The following MTHFD1L variants were observed in gnomAD, a reference collection of about 807,000 sequenced individuals.
MTHFD1L encodes methylenetetrahydrofolate dehydrogenase (NADP+ dependent) 1 like.
A neutral mutation model predicts 119.5 loss-of-function variants in MTHFD1L; 81 were observed. The ratio of observed to expected loss-of-function variants is 0.68; its 90% CI spans 0.57 to 0.82. The LOEUF (loss-of-function observed/expected upper bound fraction) is 0.82. MTHFD1L is among the 40% of genes least tolerant of loss of function. MTHFD1L has a pLI of 0.00. For missense variants in MTHFD1L, 1,125 were observed against 1,253.4 expected, an observed-to-expected ratio of 0.90 and a Z score of 1.55; for synonymous variants, 430 against 475.2, an observed-to-expected ratio of 0.90 and a Z score of 1.24.
intron 26 of MTHFD1L, among the ~76,000 whole-genome samples, chr6:151,085,007 ATATATT>A (rs1283167109): frequency 7.2e-4 from 93 of 128,572 alleles, no homozygotes; most frequent in African/African-American, 2.5e-3. Context: ...ATATATATGT[ATATATT>A]TATATATGTA....
At chr6:150,894,243 G>A (rs567625782) in intron 7 of MTHFD1L, among the ~76,000 whole-genome samples, 3 of 152,128 alleles carry the variant, frequency 2.0e-5, no homozygotes, top group Admixed American at 6.6e-5. Flanking sequence ...AAATATATGG[G>A]TCAATTAGGC....
intron 20 of MTHFD1L, among the ~76,000 whole-genome samples, chr6:150,979,636 G>C (rs548135931): frequency 1.9e-4 from 29 of 152,206 alleles, no homozygotes; most frequent in Non-Finnish European, 2.1e-4. Flanking sequence ...AAGTAGCTGG[G>C]ATTACAGGCA....
intron 24 of MTHFD1L, among the ~76,000 whole-genome samples, chr6:151,018,948 G>T (rs1783542700): frequency 6.6e-6 from 1 of 152,188 alleles, no homozygotes; most frequent in Non-Finnish European, 1.5e-5. Context: ...AGAAGATTTT[G>T]GATGAGTGAA....
intron 18 of MTHFD1L, among the ~76,000 whole-genome samples, chr6:150,961,661 C>T (rs1238519631): frequency 6.6e-6 from 1 of 152,124 alleles, no homozygotes; most frequent in Non-Finnish European, 1.5e-5. Context: ...TTCAAAGTGT[C>T]CGGATTGTTT....
intron 19 of MTHFD1L, among the ~76,000 whole-genome samples, chr6:150,969,710 G>A (rs525032): frequency 0.5 from 76,241 of 151,902 alleles, 20,302 homozygotes; most frequent in African/African-American, 0.65. Flanking sequence ...TCCCTTAAAG[G>A]ATAAGCATGC....
At chr6:150,866,721 G>T in intron 1 of MTHFD1L, 1 of 1,095,012 alleles carries the variant, frequency 9.1e-7, no homozygotes, top group Non-Finnish European at 1.1e-6. Context: ...AGCGCCCACG[G>T]AGTCCCCGCG....
intron 11 of MTHFD1L, among the ~76,000 whole-genome samples, chr6:150,936,295 C>G (rs1562411454): frequency 6.6e-6 from 1 of 152,180 alleles, no homozygotes; most frequent in South Asian, 2.1e-4. Context: ...GGGAGAAGCC[C>G]TGGGCAGGGA....
intron 13 of MTHFD1L, among the ~76,000 whole-genome samples, chr6:150,943,145 GT>G (rs1016183141): frequency 2.6e-5 from 4 of 152,226 alleles, no homozygotes; most frequent in African/African-American, 9.6e-5. Context: ...ACCAGGTGTG[GT>G]GGCAGGCGCC....
chr6:151,016,572 C>T (rs994759206), intron 24 of MTHFD1L, among the ~76,000 whole-genome samples: 2 of 151,856 alleles, frequency 1.3e-5, no homozygotes, highest in African/African-American at 2.4e-5. Context: ...TCACCCACCT[C>T]GGCCTCCCAA....
At position 150,965,002 on chromosome 6, in the gene MTHFD1L, G is replaced by A. The variant is rs1405680198; in HGVS notation, c.1978G>A (p.Asp660Asn). The change falls in exon 19 of 28, where the codon GAT becomes AAT. Residue 660 changes from aspartate to asparagine, a missense_variant. Around this residue, in one of 3 missense-constraint regions of MTHFD1L, gnomAD observed 1,058 missense variants for 1,151.2 expected, o/e 0.92. Transcript: ENST00000367321. ...AGGTGCTTTGACAGTTTTGATGAAAGATGCAATAAAACCAAACCTGATGCA... is the reference window on the plus strand; with the variant it reads ...AGGTGCTTTGACAGTTTTGATGAAAAATGCAATAAAACCAAACCTGATGCA... Reference protein sequence around the residue: ...VTGALTVLMKDAIKPNLMQTL... With the variant: ...VTGALTVLMKNAIKPNLMQTL... 6.8e-6 allele frequency: 11 copies of A among 1,613,942 alleles called. No individual in the cohort carries two copies. Among genetic ancestry groups the A allele is most frequent in the African/African-American group, 1.3e-5 (1 of 74,912 alleles).
intron 26 of MTHFD1L, among the ~76,000 whole-genome samples, chr6:151,071,982 C>A (rs2346513): frequency 0.72 from 108,814 of 151,484 alleles, 41,658 homozygotes; most frequent in East Asian, 0.91. Flanking sequence ...AGCTGGGATT[C>A]CAGGCACCCA....
intron 20 of MTHFD1L, among the ~76,000 whole-genome samples, chr6:150,973,310 A>G (rs543194174): frequency 7.7e-4 from 117 of 152,370 alleles, no homozygotes; most frequent in African/African-American, 2.8e-3. Context: ...ACTGGCAGTC[A>G]GGATCAGATG....
In MTHFD1L at chr6:151,076,327, C is replaced by T. The variant is rs549007672; in HGVS notation, c.2848-16140C>T. ...GATTGCACCACTGCACTCCAGCCTGCAAGACAGAGCAAGACCCTGTCCCAA... is the reference window on the plus strand; with the variant it reads ...GATTGCACCACTGCACTCCAGCCTGTAAGACAGAGCAAGACCCTGTCCCAA... On this transcript the variant is annotated intron_variant, in intron 26 of 27. Transcript: ENST00000367321. Among the ~76,000 whole-genome samples, 67 of 151,406 alleles carry T rather than the reference C, an allele frequency of 4.4e-4. No homozygotes were observed. In the South Asian group the frequency reaches 0.013, roughly 30 times the overall value.
At chr6:150,870,634 C>T (rs1192444741) in intron 1 of MTHFD1L, among the ~76,000 whole-genome samples, 2 of 152,014 alleles carry the variant, frequency 1.3e-5, no homozygotes, top group East Asian at 1.9e-4. Flanking sequence ...TATATAAGGC[C>T]GGGCGTGGTA....
intron 7 of MTHFD1L, among the ~76,000 whole-genome samples, chr6:150,892,217 A>G (rs1264106267): frequency 2.0e-5 from 3 of 152,382 alleles, no homozygotes; most frequent in Admixed American, 6.5e-5. Flanking sequence ...TGGTGAAGAG[A>G]GAAAATACCT....
intron 8 of MTHFD1L, among the ~76,000 whole-genome samples, chr6:150,906,283 A>G (rs575135114): frequency 6.6e-6 from 1 of 152,296 alleles, no homozygotes; most frequent in East Asian, 1.9e-4. Flanking sequence ...TAGATGCAGA[A>G]ACTGTTGTAG....
chr6:151,015,121 T>G (rs1355779679), intron 23 of MTHFD1L, 141 bp downstream of exon 23: 1 of 681,362 alleles, frequency 1.5e-6, no homozygotes, highest in Non-Finnish European at 2.3e-6. Context: ...TTTGTTTATT[T>G]GGTTTGGTTT....
chr6:150,901,549 C>T (rs749427422), intron 7 of MTHFD1L, among the ~76,000 whole-genome samples: 3 of 152,260 alleles, frequency 2.0e-5, no homozygotes, highest in South Asian at 2.1e-4. Flanking sequence ...ACCCATAAAG[C>T]CACTTAACTG....
chr6:150,981,288 A>G (rs1204508521), intron 20 of MTHFD1L, among the ~76,000 whole-genome samples: 1 of 152,154 alleles, frequency 6.6e-6, no homozygotes, highest in Non-Finnish European at 1.5e-5. Flanking sequence ...TTGCAAATAT[A>G]TGATGTCATG....
Sources: gnomAD v4.1 joint callset for allele counts (sites outside exome capture counted in the v4.1 genomes callset) on GRCh38, gnomAD v4.1.1 for gene constraint, gnomAD v4.1.1 regional missense constraint, MANE v1.5 for transcripts, NCBI Gene and HGNC (gene_info 2026-07-23, HGNC 2026-07-21) for gene names.